The following FBXO34 variants were observed in gnomAD, a reference collection of about 807,000 sequenced individuals.
FBXO34 encodes the protein F-box protein 34, also known as F-box only protein 34.
In FBXO34, 12 loss-of-function variants were observed where a neutral mutation model predicts 24.5. The observed-to-expected ratio is 0.49, with a 90% CI of 0.31 to 0.79. The LOEUF is 0.79. FBXO34 is among the 30% of genes least tolerant of loss of function. The probability of loss-of-function intolerance (pLI) is 0.04; values close to 1 mark genes in which losing one functional copy is unlikely to be tolerated. For missense variants in FBXO34, 823 were observed against 857.7 expected, an observed-to-expected ratio of 0.96 and a Z score of 0.51; for synonymous variants, 320 against 311.9, an observed-to-expected ratio of 1.03 and a Z score of -0.27.
the FBXO34 span, among the ~76,000 whole-genome samples, chr14:55,426,541 A>T: frequency 6.6e-6 from 1 of 152,090 alleles, no homozygotes; most frequent in East Asian, 1.9e-4. Flanking sequence ...TCATGTTAAA[A>T]ATTCAAATCT....
chr14:55,331,687 GTA>G (rs199998638), intron 1 of FBXO34, among the ~76,000 whole-genome samples: 767 of 28,868 alleles, frequency 0.027, 152 homozygotes, highest in South Asian at 0.097. Context: ...ATATATATGT[GTA>G]TATATATATA....
intron 1 of FBXO34, among the ~76,000 whole-genome samples, chr14:55,284,532 A>AG (rs1881689865): frequency 7.1e-6 from 1 of 140,078 alleles, no homozygotes; most frequent in Non-Finnish European, 1.6e-5. Flanking sequence ...AAAAAAAAAA[A>AG]GTGAATGATT....
At chr14:55,292,196 C>T (rs1881965366) in intron 1 of FBXO34, among the ~76,000 whole-genome samples, 1 of 151,858 alleles carries the variant, frequency 6.6e-6, no homozygotes, top group Non-Finnish European at 1.5e-5. Flanking sequence ...TAAATGGGTT[C>T]AGATACATTA....
chr14:55,370,995 GGGCAGCCAGGCTGCATGTCCTCCCTGTA>G (rs1291942295), downstream of FBXO34, among the ~76,000 whole-genome samples: 1 of 152,006 alleles, frequency 6.6e-6, no homozygotes, highest in Non-Finnish European at 1.5e-5. Flanking sequence ...TCCTGCTCCA[GGGCAGCCAGGCTGCATGTCCTCCCTGTA>G]GGCAGCCACC....
intron 1 of FBXO34, chr14:55,339,379 C>CT (rs1491437568): frequency 4.7e-5 from 2 of 42,534 alleles, no homozygotes; most frequent in African/African-American, 6.7e-4. Context: ...TAATCACCTG[C>CT]CCCCCCCCCC....
In FBXO34 at chr14:55,350,534, TC is replaced by T. The variant is rs1181605998; in HGVS notation, c.146del (p.Pro49LeufsTer25). 1.2e-6 allele frequency: 2 copies of T among 1,613,756 alleles called. No individual in the cohort carries two copies. The highest frequency in any genetic ancestry group is 1.7e-6 in the Non-Finnish European group (2 of 1,179,926). On this transcript the variant is annotated frameshift_variant, in exon 2 of 2. Coordinates refer to ENST00000313833, the MANE Select transcript of FBXO34 (RefSeq NM_017943.4). LOFTEE classifies it low-confidence loss of function (END_TRUNC). Reference protein sequence around the residue: ...KASHITSSVFPSASLGKASSR... With the variant: ...KASHITSSVFXSASLGKASSR... ...CTAGCCACATAACATCAAGTGTCTT[TC>T]CTTCAGCCTCTCTCGGTAAAGCATC...
chr14:55,432,037 G>A, the FBXO34 span, among the ~76,000 whole-genome samples: 3 of 152,068 alleles, frequency 2.0e-5, no homozygotes, highest in South Asian at 4.1e-4. Flanking sequence ...AATGCCTTAA[G>A]GGCAAAGCCA....
At chr14:55,276,636 A>G (rs1011891078) in intron 1 of FBXO34, among the ~76,000 whole-genome samples, 1 of 152,000 alleles carries the variant, frequency 6.6e-6, no homozygotes, top group Non-Finnish European at 1.5e-5. Context: ...TGGTTGAGGA[A>G]GCGGGGGGGT....
At chr14:55,428,657 C>T in the FBXO34 span, 1 of 801,714 alleles carries the variant, frequency 1.2e-6, no homozygotes, top group Non-Finnish European at 1.9e-6. Flanking sequence ...TATGAGAACT[C>T]AGGCATAGCA....
At chr14:55,367,688 G>C (rs772149119) in exon 3 of FBXO34, 3 of 151,884 alleles carry the variant, frequency 2.0e-5, no homozygotes, top group Non-Finnish European at 4.4e-5. Flanking sequence ...TGGTTGCAGT[G>C]AGCGGAGATG....
At chr14:55,283,465 C>CTTTT (rs1566539500) in intron 1 of FBXO34, among the ~76,000 whole-genome samples, 1 of 147,230 alleles carries the variant, frequency 6.8e-6, no homozygotes. Flanking sequence ...TTCTTTTTTT[C>CTTTT]TTTCTTTTTT....
At chr14:55,436,958 T>G in the FBXO34 span, 2 of 1,614,210 alleles carry the variant, frequency 1.2e-6, no homozygotes, top group Non-Finnish European at 1.7e-6. Context: ...GCATTCAGTA[T>G]GTACATATCA....
chr14:55,317,846 T>A (rs1175921796), intron 1 of FBXO34, among the ~76,000 whole-genome samples: 1 of 152,192 alleles, frequency 6.6e-6, no homozygotes, highest in African/African-American at 2.4e-5. Flanking sequence ...TGATCCCTGG[T>A]CCAGATAATC....
chr14:55,348,990 A>G (rs1359358157), intron 1 of FBXO34, among the ~76,000 whole-genome samples: 2 of 152,088 alleles, frequency 1.3e-5, no homozygotes, highest in African/African-American at 4.8e-5. Flanking sequence ...GAGTAGGTGA[A>G]ACTTCACGTG....
intron 1 of FBXO34, among the ~76,000 whole-genome samples, chr14:55,273,504 A>G (rs1002429528): frequency 6.6e-6 from 1 of 152,212 alleles, no homozygotes; most frequent in African/African-American, 2.4e-5. Flanking sequence ...TGTTGAGTGA[A>G]GTCTCTAAAG....
At chr14:55,290,013 T>C (rs1881890166) in intron 1 of FBXO34, among the ~76,000 whole-genome samples, 1 of 152,226 alleles carries the variant, frequency 6.6e-6, no homozygotes, top group Non-Finnish European at 1.5e-5. Flanking sequence ...AAAGTATTTT[T>C]CTTTTAAAAA....
the FBXO34 span, chr14:55,414,274 C>T: frequency 1.2e-5 from 10 of 860,980 alleles, no homozygotes; most frequent in East Asian, 1.0e-4. Context: ...TAATAAGTAA[C>T]GTACTTGTAA....
At chr14:55,332,959 C>T (rs945765337) in intron 1 of FBXO34, among the ~76,000 whole-genome samples, 4 of 152,172 alleles carry the variant, frequency 2.6e-5, no homozygotes, top group Non-Finnish European at 4.4e-5. Flanking sequence ...AATTTGGGAA[C>T]AGAAAGAGGG....
At chr14:55,399,308 G>A in the FBXO34 span, among the ~76,000 whole-genome samples, 994 of 152,276 alleles carry the variant, frequency 6.5e-3, 7 homozygotes, top group African/African-American at 0.023. Context: ...TTCCTCAGTT[G>A]TACTGCCATC....
Sources: allele counts gnomAD v4.1 joint callset (sites outside exome capture counted in the v4.1 genomes callset), GRCh38; gene constraint gnomAD v4.1.1; transcripts MANE v1.5; gene names NCBI Gene and HGNC (gene_info 2026-07-23, HGNC 2026-07-21).